The following DUXB variants were observed in gnomAD, a reference collection of about 807,000 sequenced individuals.
DUXB encodes double homeobox B.
In DUXB, 22 loss-of-function variants were observed where a neutral mutation model predicts 8.9. The ratio of observed to expected loss-of-function variants is 2.46; its 90% CI spans 1.76 to 3.52. The LOEUF (loss-of-function observed/expected upper bound fraction) is 3.52, where lower values mean the gene tolerates loss of function less well. DUXB is among the 30% of genes most tolerant of loss of function. The probability of loss-of-function intolerance (pLI) is 0.00; values close to 1 mark genes in which losing one functional copy is unlikely to be tolerated. For synonymous variants in DUXB, 84 were observed against 37.6 expected, an observed-to-expected ratio of 2.23 and a Z score of -4.52; for missense variants, 237 against 108.7, an observed-to-expected ratio of 2.18 and a Z score of -5.25.
rs1259751450 is a variant in DUXB, at chr16:75,696,104, T to C, written c.298A>G (p.Lys100Glu). The change falls in exon 4 of 5, where the codon AAA becomes GAA. Residue 100 changes from lysine (K) to glutamate (E), a missense_variant. Lys to Glu is a moderately conservative substitution (Grantham distance 56). Transcript: ENST00000633875. ...SQHLTQEYLPKEARQKQTFIT... is the reference protein window; with the variant it reads ...SQHLTQEYLPEEARQKQTFIT... Reference sequence around the variant, plus strand: ...AATGTCTGTTTTTGTCGGGCTTCTTTAGGTAAGTATTCTAAAGGAGAACAC... The same window carrying C: ...AATGTCTGTTTTTGTCGGGCTTCTTCAGGTAAGTATTCTAAAGGAGAACAC... 1 of 702,052 alleles carries C rather than the reference T, an allele frequency of 1.4e-6. No homozygotes were observed. The highest frequency in any genetic ancestry group is 2.6e-6 in the Non-Finnish European group (1 of 384,966). The allele number at this position is 702,052 out of a possible 1,614,324, so 43.5% of individuals were successfully genotyped here.
chr16:75,695,899 A>G lies in DUXB; in HGVS notation c.441+62T>C, dbSNP rs1004364921. The G allele has an allele frequency of 1.6e-5, 11 of 683,158 alleles. No homozygotes were observed. In the African/African-American group the frequency reaches 2.0e-4, roughly 12 times the overall value. 42.3% of individuals were successfully genotyped at this position (683,158 alleles called of 1,614,324 possible). A position where few individuals can be genotyped will look rare whatever the true frequency, so the allele number is the denominator to read the frequency against. On this transcript the variant is annotated intron_variant, in intron 4 of 4. Transcript: ENST00000633875. Reference sequence around the variant, plus strand: ...CCAAGTCAGCTGTAAGTTTTTCAATAACACCTCCAGGGGGCAGTATCACAG... The same window carrying G: ...CCAAGTCAGCTGTAAGTTTTTCAATGACACCTCCAGGGGGCAGTATCACAG...
At chr16:75,696,455 G>C (rs2082608140) in intron 3 of DUXB, among the ~76,000 whole-genome samples, 1 of 152,198 alleles carries the variant, frequency 6.6e-6, no homozygotes, top group South Asian at 2.1e-4. Context: ...GGGAGGCTGA[G>C]GCAGAAGAAT....
At position 75,696,859 on chromosome 16, in the gene DUXB, G is replaced by T. The variant is rs1355916033; in HGVS notation, c.265C>A (p.Gln89Lys). ...SEKDQTQGHD[Q>K]SQHLTQEYLP... Reference sequence around the variant, plus strand: ...TTACCTTGAGTCAGATGCTGGGACTGGTCATGCCCCTGGGTTTGATCTTTT... The same window carrying T: ...TTACCTTGAGTCAGATGCTGGGACTTGTCATGCCCCTGGGTTTGATCTTTT... The change falls in exon 3 of 5, where the codon CAG becomes AAG. Residue 89 changes from glutamine to lysine, a missense_variant. By Grantham distance (53) the Gln-to-Lys change is moderately conservative. Coordinates refer to ENST00000633875, the MANE Select transcript of DUXB (RefSeq NM_001351307.2). 1.4e-6 allele frequency: 1 copy of T among 702,882 alleles called. No individual in the cohort carries two copies. Among genetic ancestry groups the T allele is most frequent in the East Asian group, 2.7e-5 (1 of 37,278 alleles). 43.5% of individuals were successfully genotyped at this position (702,882 alleles called of 1,614,324 possible).
chr16:75,697,593 A>G (rs1009052383), intron 2 of DUXB, among the ~76,000 whole-genome samples: 13 of 152,194 alleles, frequency 8.5e-5, no homozygotes, highest in African/African-American at 3.1e-4. Context: ...AATGATTTCT[A>G]AGTGTTATTA....
rs558273019 is a variant in DUXB at position 75,696,482 on chromosome 16, CAG to C, written c.286+354_286+355del. ...CAGAAGAATCACTTGAATCAGGAGG[CAG>C]AGGTTGCAGTGAGCTGAGATCAGAC... On this transcript the variant is annotated intron_variant, in intron 3 of 4. Coordinates refer to ENST00000633875, the MANE Select transcript of DUXB (RefSeq NM_001351307.2). Among the ~76,000 whole-genome samples the C allele has an allele frequency of 9.9e-5, 15 of 152,254 alleles. No homozygotes were observed. In the East Asian group the frequency reaches 2.9e-3, roughly 29 times the overall value.
chr16:75,695,057 A>T (rs1346831305), intron 4 of DUXB, among the ~76,000 whole-genome samples: 2 of 152,206 alleles, frequency 1.3e-5, no homozygotes, highest in Non-Finnish European at 2.9e-5. Context: ...TGAGAAAAAG[A>T]AATCTTATAC....
chr16:75,700,599 G>A (rs1427832854), intron 1 of DUXB, among the ~76,000 whole-genome samples: 1 of 151,952 alleles, frequency 6.6e-6, no homozygotes, highest in Non-Finnish European at 1.5e-5. Context: ...CTCACTGCAA[G>A]CTCTGCCTCC....
rs187110380 is a variant in DUXB, at chr16:75,700,053, G to A, written c.142C>T (p.Leu48=). 8.0e-5 allele frequency: 56 copies of A among 701,984 alleles called. 1 individual carries two copies. In the East Asian group the frequency reaches 1.3e-3, roughly 16 times the overall value. 43.5% of individuals were successfully genotyped at this position (701,984 alleles called of 1,614,324 possible). A position where few individuals can be genotyped will look rare whatever the true frequency, so the allele number is the denominator to read the frequency against. The stretch of plus-strand genomic sequence containing the variant: ...TCTGGAACCCCAATTTCTTTGGCCA[G>A]TTGTTCTCTGGCAGCTTTATCAGGG... ...PFPDKAAREQ[L]AKEIGVPESN... is the part of the protein sequence containing the mutation. Residue 48 remains leucine (L), a synonymous_variant, in exon 2 of 5, where the codon CTG becomes TTG. Transcript: ENST00000633875.
At chr16:75,695,901 C>T (rs894230461) in intron 4 of DUXB, 60 bp downstream of exon 4, 4 of 685,478 alleles carry the variant, frequency 5.8e-6, no homozygotes, top group African/African-American at 1.8e-5. Context: ...TTTTCAATAA[C>T]ACCTCCAGGG....
At chr16:75,700,255 G>T in intron 1 of DUXB, 86 bp from the exon 2 acceptor site, 1 of 600,188 alleles carries the variant, frequency 1.7e-6, no homozygotes, top group Non-Finnish European at 3.0e-6. Flanking sequence ...TTTATTTTGA[G>T]ACAGAGTCTC....
In DUXB at chr16:75,694,203, A is replaced by G. The variant is rs1002634837; in HGVS notation, c.764T>C (p.Ile255Thr). Residue 255 changes from isoleucine (I) to threonine (T), a missense_variant, in exon 5 of 5, where the codon ATT becomes ACT. Coordinates refer to ENST00000633875, the MANE Select transcript of DUXB (RefSeq NM_001351307.2). Reference protein sequence around the residue: ...EGEKSDQPLIIPNHLLTLPIL... With the variant: ...EGEKSDQPLITPNHLLTLPIL... ...TGGCAGTGTCAGGAGGTGATTCGGA[A>G]TTATCAGAGGCTGATCAGACTTCTC... 3 of 497,662 alleles carry G rather than the reference A, an allele frequency of 6.0e-6. No individual in the cohort carries two copies. The highest frequency in any genetic ancestry group is 7.7e-5 in the South Asian group (2 of 26,064). 30.8% of individuals were successfully genotyped at this position (497,662 alleles called of 1,614,324 possible).
At chr16:75,699,725 AT>A (rs547243089) in intron 2 of DUXB, among the ~76,000 whole-genome samples, 113 of 150,760 alleles carry the variant, frequency 7.5e-4, no homozygotes, top group Non-Finnish European at 1.4e-3. Context: ...CGCCCGGCTA[AT>A]TTTTTTTTGT....
rs1316699169 is a variant in DUXB at position 75,695,949 on chromosome 16, C to CAT, written c.441+10_441+11dup. The CAT allele has an allele frequency of 1.4e-6, 1 of 702,894 alleles. No homozygotes were observed. Among genetic ancestry groups the CAT allele is most frequent in the African/African-American group, 1.7e-5 (1 of 57,260 alleles). The allele number at this position is 702,894 out of a possible 1,614,324, so 43.5% of individuals were successfully genotyped here. On this transcript the variant is annotated intron_variant, in intron 4 of 4. Transcript: ENST00000633875. ...GGCAGGACATAGTTGGGATCACACACATAGAACTTACTTGAATTCTTGATT... is the reference window on the plus strand; with the variant it reads ...GGCAGGACATAGTTGGGATCACACACATATAGAACTTACTTGAATTCTTGATT...
Position 75,694,352 on chromosome 16 carries a change from G to C in DUXB, c.615C>G (p.Ser205Arg). The C allele has an allele frequency of 3.1e-6, 2 of 653,314 alleles. 1 individual carries two copies. The highest frequency in any genetic ancestry group is 4.9e-4 in the Middle Eastern group (2 of 4,096). The allele number at this position is 653,314 out of a possible 1,614,324, so 40.5% of individuals were successfully genotyped here. The change falls in exon 5 of 5, where the codon AGC (serine) becomes AGG (arginine). Residue 205 changes from serine to arginine, a missense_variant. Coordinates refer to ENST00000633875, the MANE Select transcript of DUXB (RefSeq NM_001351307.2). ...GAACAGGTGGAAGAGTTTCATGCCC[G>C]CTGGAAGAATGTGAGCAAGAAAAAT... is the stretch of plus-strand genomic sequence containing the variant. The part of the protein sequence containing the change: ...SHYFSCSHSS[S>R]GHETLPPVLP...
intron 1 of DUXB, among the ~76,000 whole-genome samples, chr16:75,701,044 GAC>G (rs1959207478): frequency 6.6e-6 from 1 of 152,116 alleles, no homozygotes; most frequent in Non-Finnish European, 1.5e-5. Flanking sequence ...GGTGAAATAA[GAC>G]ACACAGGAAC....
At chr16:75,697,505 A>C (rs942627042) in intron 2 of DUXB, among the ~76,000 whole-genome samples, 2 of 152,196 alleles carry the variant, frequency 1.3e-5, no homozygotes, top group African/African-American at 4.8e-5. Context: ...TCATTTTGTC[A>C]CCGTTGTCCC....
At chr16:75,697,441 A>G (rs2082617546) in intron 2 of DUXB, among the ~76,000 whole-genome samples, 1 of 152,178 alleles carries the variant, frequency 6.6e-6, no homozygotes, top group African/African-American at 2.4e-5. Flanking sequence ...CCTCTTAGTC[A>G]TTTTTGTCCC....
chr16:75,694,438 G>C lies in DUXB; in HGVS notation c.529C>G (p.Pro177Ala), dbSNP rs1185147908. The part of the protein sequence containing the change: ...NLLVDDPNER[P>A]DATVGWHPIN... ...GGATGCCACCCAACAGTTGCATCTG[G>C]TCTCTCATTTGGGTCGTCTACCAAT... is the stretch of plus-strand genomic sequence containing the variant. The change falls in exon 5 of 5, where the codon CCA becomes GCA. Residue 177 changes from proline to alanine, a missense_variant. Physicochemically the swap from Pro to Ala is conservative, Grantham distance 27 (BLOSUM62 -1). Coordinates refer to ENST00000633875, the MANE Select transcript of DUXB (RefSeq NM_001351307.2). 5.7e-6 allele frequency: 4 copies of C among 702,426 alleles called. No individual in the cohort carries two copies. The highest frequency in any genetic ancestry group is 2.0e-5 in the Admixed American group (1 of 49,882). 43.5% of individuals were successfully genotyped at this position (702,426 alleles called of 1,614,324 possible).
At chr16:75,700,366 T>G (rs1228716073) in intron 1 of DUXB, among the ~76,000 whole-genome samples, 197 bp from the exon 2 acceptor site, 1 of 152,130 alleles carries the variant, frequency 6.6e-6, no homozygotes, top group Non-Finnish European at 1.5e-5. Flanking sequence ...CCGGAATAGC[T>G]GGGACTACAG....
Sources: gnomAD v4.1 joint callset for allele counts (sites outside exome capture counted in the v4.1 genomes callset) on GRCh38, gnomAD v4.1.1 for gene constraint, MANE v1.5 for transcripts, NCBI Gene and HGNC (gene_info 2026-07-23, HGNC 2026-07-21) for gene names.